The following ANO10 variants were observed in gnomAD, a reference collection of about 807,000 sequenced individuals.
ANO10 encodes anoctamin 10.
In ANO10, 77 loss-of-function variants were observed where a neutral mutation model predicts 74.7. The observed-to-expected ratio is 1.03, with a 90% confidence interval of 0.86 to 1.25. ANO10 has a LOEUF of 1.25. Among genes scored for constraint, ANO10 ranks in the 50% most tolerant of loss-of-function variants. The pLI is 0.00. For missense variants in ANO10, 721 were observed against 778.1 expected, an observed-to-expected ratio of 0.93 and a Z score of 0.87; for synonymous variants, 279 against 284.9, an observed-to-expected ratio of 0.98 and a Z score of 0.21.
intron 12 of ANO10, among the ~76,000 whole-genome samples, chr3:43,391,036 A>G (rs1353769159): frequency 6.6e-6 from 1 of 152,204 alleles, no homozygotes; most frequent in African/African-American, 2.4e-5. Context: ...ACTCAGATTT[A>G]CCAATGGCTG....
intron 1 of ANO10, among the ~76,000 whole-genome samples, chr3:43,656,142 C>T (rs2149570814): frequency 6.6e-6 from 1 of 151,746 alleles, no homozygotes; most frequent in Non-Finnish European, 1.5e-5. Context: ...TATTTACAAT[C>T]CCTGAGCTAG....
chr3:43,552,731 T>C (rs1264978442), intron 10 of ANO10, among the ~76,000 whole-genome samples: 1 of 85,372 alleles, frequency 1.2e-5, no homozygotes, highest in Non-Finnish European at 2.5e-5. Flanking sequence ...TATATATATG[T>C]ATGTATGTAT....
intron 11 of ANO10, among the ~76,000 whole-genome samples, chr3:43,539,867 C>T (rs1390497185): frequency 6.6e-6 from 1 of 152,200 alleles, no homozygotes; most frequent in Non-Finnish European, 1.5e-5. Context: ...AAAACGATCT[C>T]TTGCAGAGGG....
At chr3:43,622,590 G>A (rs1166242394), upstream of ANO10, among the ~76,000 whole-genome samples, 1 of 152,144 alleles carries the variant, frequency 6.6e-6, no homozygotes, top group African/African-American at 2.4e-5. Context: ...TCCAACCACA[G>A]CCAAATCCCA....
intron 8 of ANO10, among the ~76,000 whole-genome samples, chr3:43,563,424 T>C (rs1461713006): frequency 6.6e-6 from 1 of 151,054 alleles, no homozygotes; most frequent in Non-Finnish European, 1.5e-5. Context: ...AGAGGTTTTT[T>C]TTTTTTTTTT....
chr3:43,408,605 G>A (rs1404840445), intron 12 of ANO10, among the ~76,000 whole-genome samples: 2 of 152,214 alleles, frequency 1.3e-5, no homozygotes, highest in South Asian at 4.1e-4. Context: ...GGAGGCCTCA[G>A]TGTTCTCTGA....
At chr3:43,662,875 G>C (rs2083943072) in intron 1 of ANO10, among the ~76,000 whole-genome samples, 1 of 152,116 alleles carries the variant, frequency 6.6e-6, no homozygotes, top group Non-Finnish European at 1.5e-5. Flanking sequence ...ACCAATAACA[G>C]GTTCTGAAAT....
intron 12 of ANO10, chr3:43,372,723 C>G (rs2125676779): frequency 1.2e-6 from 1 of 851,264 alleles, no homozygotes; most frequent in African/African-American, 1.7e-5. Flanking sequence ...AATGTTCTAT[C>G]CTACCTGGTA....
Position 43,432,579 on chromosome 3 carries a change from A to G in ANO10, c.1914+32T>C, listed in dbSNP as rs560771968. 7.5e-6 allele frequency: 11 copies of G among 1,474,734 alleles called. No homozygotes were observed. The South Asian group carries it at 1.2e-4, about 17-fold the overall frequency. 91.4% of individuals were successfully genotyped at this position (1,474,734 alleles called of 1,614,324 possible). ...TATTTTTCCTGTCATTTGCTAAAGC[A>G]ATACATACATTTTCAGGACAGCTGC... On this transcript the variant is annotated intron_variant, in intron 12 of 12. Coordinates refer to ENST00000292246, the MANE Select transcript of ANO10 (RefSeq NM_018075.5).
chr3:43,383,124 A>G (rs574791293), intron 12 of ANO10, among the ~76,000 whole-genome samples: 1 of 152,306 alleles, frequency 6.6e-6, no homozygotes, highest in African/African-American at 2.4e-5. Context: ...AATCCTCAAC[A>G]AAATAGTAGC....
intron 1 of ANO10, among the ~76,000 whole-genome samples, chr3:43,665,964 CTTTTA>C (rs2083987002): frequency 6.6e-6 from 1 of 152,032 alleles, no homozygotes; most frequent in Admixed American, 6.6e-5. Flanking sequence ...TTTCAATACA[CTTTTA>C]TTTTAATAAC....
rs553712733 is a variant in ANO10, at chr3:43,670,763, A to T, written c.-12+20754T>A. 3.3e-5 allele frequency among the ~76,000 whole-genome samples: 5 copies of T among 152,302 alleles called. No individual in the cohort carries two copies. In the South Asian group the frequency reaches 1.0e-3, roughly 32 times the overall value. ...GGTAGCACAGTGGTTACTGTTCCAT[A>T]CTAGAGCCAACAAAATTAGTCTTGT... On this transcript the variant is annotated intron_variant, in intron 1 of 3. Coordinates refer to the ANO10 transcript ENST00000413397.
At chr3:43,530,880 GTGTGTGTGTGTA>G (rs2078436803) in intron 11 of ANO10, among the ~76,000 whole-genome samples, 1 of 152,152 alleles carries the variant, frequency 6.6e-6, no homozygotes, top group African/African-American at 2.4e-5. Flanking sequence ...ACTAATGTGT[GTGTGTGTGTGTA>G]TGTGTGTGTG....
At chr3:43,564,351 G>A (rs1010256455) in intron 8 of ANO10, among the ~76,000 whole-genome samples, 1 of 151,366 alleles carries the variant, frequency 6.6e-6, no homozygotes, top group Non-Finnish European at 1.5e-5. Context: ...CACATTTTAT[G>A]AATGTAACAA....
chr3:43,451,137 T>G (rs1196977113), intron 11 of ANO10, among the ~76,000 whole-genome samples: 1 of 152,194 alleles, frequency 6.6e-6, no homozygotes, highest in Non-Finnish European at 1.5e-5. Flanking sequence ...GAGTTGGACC[T>G]TGAGAGAGGC....
chr3:43,432,994 T>C (rs2093012468), intron 11 of ANO10, among the ~76,000 whole-genome samples: 1 of 143,090 alleles, frequency 7.0e-6, no homozygotes, highest in Non-Finnish European at 1.5e-5. Context: ...TTTCATTCTG[T>C]TGCCCAGGCT....
At chr3:43,507,267 CT>C (rs914545014) in intron 11 of ANO10, among the ~76,000 whole-genome samples, 5 of 152,186 alleles carry the variant, frequency 3.3e-5, no homozygotes, top group Non-Finnish European at 7.3e-5. Flanking sequence ...GAGAAATTTT[CT>C]GGACTGTCCT....
chr3:43,638,918 A>C (rs1213281121), intron 1 of ANO10: 3 of 152,218 alleles, frequency 2.0e-5, no homozygotes, highest in Non-Finnish European at 4.4e-5. Context: ...ATTGATCCTG[A>C]GGTTGTGGTC....
intron 1 of ANO10, chr3:43,690,806 G>A (rs2084352809): frequency 4.2e-6 from 2 of 480,422 alleles, no homozygotes; most frequent in African/African-American, 4.1e-5. Context: ...GCTGGGGATG[G>A]CGGACGCAAA....
Sources: gnomAD v4.1 joint callset for allele counts (sites outside exome capture counted in the v4.1 genomes callset) on GRCh38, gnomAD v4.1.1 for gene constraint, MANE v1.5 for transcripts, NCBI Gene and HGNC (gene_info 2026-07-23, HGNC 2026-07-21) for gene names.